The following CYP3A5 variants were observed in gnomAD, a reference collection of about 807,000 sequenced individuals.
CYP3A5 encodes cytochrome P450 family 3 subfamily A member 5, also known as cytochrome P450 3A5.
Under a neutral mutation model 55.9 loss-of-function variants are expected in CYP3A5, and 51 were observed. That is an observed-to-expected ratio of 0.91 (90% CI 0.73 to 1.15). CYP3A5 has a LOEUF of 1.15. Among genes scored for constraint, CYP3A5 ranks in the 50% most tolerant of loss-of-function variants. The pLI, the probability that CYP3A5 is intolerant of heterozygous loss-of-function variation, is 0.00. For synonymous variants in CYP3A5, 196 were observed against 213.9 expected, an observed-to-expected ratio of 0.92 and a Z score of 0.73; for missense variants, 533 against 596.6, an observed-to-expected ratio of 0.89 and a Z score of 1.11.
At chr7:99,671,803 A>G (rs1194823729) in intron 4 of CYP3A5, 2 of 702,916 alleles carry the variant, frequency 2.8e-6, no homozygotes, top group Non-Finnish European at 5.2e-6. Flanking sequence ...CCATGTTGTG[A>G]CTGTAGGACA....
chr7:99,674,462 A>T (rs1812018710), intron 3 of CYP3A5, 71 bp downstream of exon 3: 2 of 1,227,420 alleles, frequency 1.6e-6, no homozygotes, highest in African/African-American at 1.5e-5. Context: ...ACCTGGGCAG[A>T]GACTATCCTG....
intron 4 of CYP3A5, chr7:99,671,748 A>T (rs1264181297): frequency 1.5e-6 from 1 of 686,784 alleles, no homozygotes; most frequent in Non-Finnish European, 2.6e-6. Flanking sequence ...TCAAATAAAT[A>T]AAAGTTTGCT....
In CYP3A5 at chr7:99,661,477, C is replaced by T. The variant is rs1045792592; in HGVS notation, c.866-818G>A. 1.6e-4 allele frequency among the ~76,000 whole-genome samples: 24 copies of T among 152,214 alleles called. 1 individual carries two copies. ...CAGAAGCATGGTGATTGACTGTAGT[C>T]TGATGAATGGCATTAAAATAGCAGA... is the stretch of plus-strand genomic sequence containing the variant. On this transcript the variant is annotated intron_variant, in intron 9 of 12. Transcript: ENST00000222982.
chr7:99,654,941 T>G (rs1439873228), intron 10 of CYP3A5, among the ~76,000 whole-genome samples: 1 of 152,236 alleles, frequency 6.6e-6, no homozygotes, highest in Non-Finnish European at 1.5e-5. Flanking sequence ...TTTTTTCTTG[T>G]AAATTTGTTT....
chr7:99,667,832 A>C (rs934077191), intron 4 of CYP3A5, among the ~76,000 whole-genome samples: 3 of 152,194 alleles, frequency 2.0e-5, no homozygotes, highest in African/African-American at 7.2e-5. Context: ...CATTCAGTTA[A>C]ATCACATTTA....
At chr7:99,667,153 A>T in intron 4 of CYP3A5, 88 bp from the exon 5 acceptor site, 1 of 1,284,738 alleles carries the variant, frequency 7.8e-7, no homozygotes, top group Non-Finnish European at 1.1e-6. Flanking sequence ...ATCCTTATTT[A>T]ACAAATATTT....
At chr7:99,677,381 G>A (rs1250343448) in intron 1 of CYP3A5, among the ~76,000 whole-genome samples, 2 of 152,200 alleles carry the variant, frequency 1.3e-5, no homozygotes, top group African/African-American at 4.8e-5. Context: ...GAATCCACAT[G>A]CCTCATATGT....
Position 99,648,326 on chromosome 7 carries a change from A to G in CYP3A5, c.1488T>C (p.Asp496=), listed in dbSNP as rs780074460. Reference sequence around the variant, plus strand: ...TAACTCATTCTCCACTTAGGGTTCCATCTCTTGAATCCACCTTTAGAACAA... The same window carrying G: ...TAACTCATTCTCCACTTAGGGTTCCGTCTCTTGAATCCACCTTTAGAACAA... ...KPIVLKVDSR[D]GTLSGE Residue 496 remains aspartate (D), a synonymous_variant, in exon 13 of 13, where the codon GAT becomes GAC. Transcript: ENST00000222982. 1.2e-6 allele frequency: 2 copies of G among 1,613,298 alleles called. No individual in the cohort carries two copies. Among genetic ancestry groups the G allele is most frequent in the Non-Finnish European group, 1.7e-6 (2 of 1,179,434 alleles).
Position 99,663,057 on chromosome 7 carries a change from G to A in CYP3A5, c.799-175C>T, listed in dbSNP as rs866611247. 44 of 1,345,210 alleles carry A rather than the reference G, an allele frequency of 3.3e-5. No homozygotes were observed. In the African/African-American group the frequency reaches 5.8e-4, roughly 18 times the overall value. 83.3% of individuals were successfully genotyped at this position (1,345,210 alleles called of 1,614,324 possible). A position where few individuals can be genotyped will look rare whatever the true frequency, so the allele number is the denominator to read the frequency against. On this transcript the variant is annotated intron_variant, in intron 8 of 12. Transcript: ENST00000222982. ...ACAAAAACATTCATCTAAATCCTTGGAAAGCAGGATGTTTTCCTGAAACAA... is the reference window on the plus strand; with the variant it reads ...ACAAAAACATTCATCTAAATCCTTGAAAAGCAGGATGTTTTCCTGAAACAA...
At chr7:99,666,261 C>T (rs1013579532) in intron 6 of CYP3A5, among the ~76,000 whole-genome samples, 1 of 152,172 alleles carries the variant, frequency 6.6e-6, no homozygotes, top group Non-Finnish European at 1.5e-5. Flanking sequence ...GTACCAAATG[C>T]TTGCTTACCC....
intron 10 of CYP3A5, among the ~76,000 whole-genome samples, chr7:99,656,474 T>C (rs892765200): frequency 1.3e-5 from 2 of 152,224 alleles, no homozygotes; most frequent in African/African-American, 4.8e-5. Context: ...GCTGCTGGAT[T>C]CGGTTTGCCA....
Position 99,679,873 on chromosome 7 carries a change from C to T in CYP3A5, c.24G>A (p.Ala8=), listed in dbSNP as rs562927285. The T allele has an allele frequency of 1.5e-5, 25 of 1,614,100 alleles. No homozygotes were observed. The highest frequency in any genetic ancestry group is 1.7e-4 in the Middle Eastern group (1 of 6,060). The change falls in exon 1 of 13, where the codon GCG becomes GCA. Residue 8 remains alanine, a synonymous_variant. Coordinates refer to ENST00000222982, the MANE Select transcript of CYP3A5 (RefSeq NM_000777.5). ...CAGCCAGGAGAAGCCAGGTTTCCACCGCCAAATTTGGGATGAGGTCCATCG... is the reference window on the plus strand; with the variant it reads ...CAGCCAGGAGAAGCCAGGTTTCCACTGCCAAATTTGGGATGAGGTCCATCG... MDLIPNL[A]VETWLLLAVS... is the part of the protein sequence containing the mutation.
At chr7:99,663,936 A>G in intron 8 of CYP3A5, 32 bp downstream of exon 8, 1 of 1,559,488 alleles carries the variant, frequency 6.4e-7, no homozygotes, top group Non-Finnish European at 8.6e-7. Flanking sequence ...TCAAAACCTA[A>G]ACATCGTCAT....
intron 4 of CYP3A5, 79 bp downstream of exon 4, chr7:99,672,501 G>T: frequency 7.9e-7 from 1 of 1,261,300 alleles, no homozygotes; most frequent in Non-Finnish European, 1.2e-6. Context: ...GTAACCTTCT[G>T]TGAATATATG....
intron 11 of CYP3A5, 59 bp from the exon 12 acceptor site, chr7:99,650,291 G>GT (rs1809043604): frequency 5.9e-6 from 9 of 1,538,360 alleles, no homozygotes; most frequent in African/African-American, 1.4e-5. Flanking sequence ...AGAGTTACAT[G>GT]TTAGGGGTTC....
Position 99,665,163 on chromosome 7 carries a change from T to C in CYP3A5, c.670+3A>G, listed in dbSNP as rs1215245471. 6.2e-7 allele frequency: 1 copy of C among 1,605,160 alleles called. No individual in the cohort carries two copies. Among genetic ancestry groups the C allele is most frequent in the Admixed American group, 1.7e-5 (1 of 59,506 alleles). ...AGAGAGAAAGAAATAATAGCCCACA[T>C]ACTTATTGAGAGAAATAATGGATCT... On this transcript the variant is annotated splice_donor_region_variant and intron_variant, in intron 7 of 12. Transcript: ENST00000222982.
At chr7:99,651,972 G>A (rs1809234144) in intron 11 of CYP3A5, among the ~76,000 whole-genome samples, 2 of 152,110 alleles carry the variant, frequency 1.3e-5, no homozygotes, top group Admixed American at 1.3e-4. Context: ...ACCTCAGCCT[G>A]CACTCTTATA....
At chr7:99,663,243 T>C in intron 8 of CYP3A5, 1 of 1,051,300 alleles carries the variant, frequency 9.5e-7, no homozygotes, top group Non-Finnish European at 1.1e-6. Flanking sequence ...TCTTCTACCT[T>C]TTTCTTCAGC....
At chr7:99,663,868 GTCTT>G (rs2151415569) in intron 8 of CYP3A5, 96 bp downstream of exon 8, 6 of 1,448,458 alleles carry the variant, frequency 4.1e-6, no homozygotes, top group Non-Finnish European at 3.6e-6. Flanking sequence ...TAAGTTCTCT[GTCTT>G]TATTTTTAAA....
Sources: gnomAD v4.1 joint callset for allele counts (sites outside exome capture counted in the v4.1 genomes callset) on GRCh38, gnomAD v4.1.1 for gene constraint, MANE v1.5 for transcripts, NCBI Gene and HGNC (gene_info 2026-07-23, HGNC 2026-07-21) for gene names.